Variants in GRIK4 observed in about 807,000 individuals in gnomAD.
The protein encoded by GRIK4 is glutamate receptor ionotropic, kainate 4.
In GRIK4, 40 loss-of-function variants were observed where a neutral mutation model predicts 104.9. That is an observed-to-expected ratio of 0.38 (90% CI 0.30 to 0.50). The LOEUF (loss-of-function observed/expected upper bound fraction) is 0.50, where lower values mean the gene tolerates loss of function less well. GRIK4 is among the 20% of genes least tolerant of loss of function. The pLI, the probability that GRIK4 is intolerant of heterozygous loss-of-function variation, is 0.93. For synonymous variants in GRIK4, 485 were observed against 524.9 expected, an observed-to-expected ratio of 0.92 and a Z score of 1.04; for missense variants, 1,047 against 1,308.1, an observed-to-expected ratio of 0.80 and a Z score of 3.08.
At chr11:120,563,979 T>C (rs1443910740) in intron 1 of GRIK4, among the ~76,000 whole-genome samples, 1 of 152,048 alleles carries the variant, frequency 6.6e-6, no homozygotes, top group Non-Finnish European at 1.5e-5. Flanking sequence ...CCGGTGTGTC[T>C]CATGAATTTA....
rs765658272 is a variant in GRIK4, at chr11:120,819,402, A to G, written c.346-353A>G. ...AAAATATTCTAAGGATTATGCTTTC[A>G]AGAGCCAACTGTCTCTCTGCCAGCA... On this transcript the variant is annotated intron_variant, in intron 5 of 20. Coordinates refer to ENST00000527524, the MANE Select transcript of GRIK4 (RefSeq NM_014619.5). This position sits in a 1 kb window ranked among gnomAD's most constrained non-coding sequence, Gnocchi z 4.3. Among the ~76,000 whole-genome samples the G allele has an allele frequency of 1.3e-5, 2 of 152,226 alleles. No homozygotes were observed. Among genetic ancestry groups the G allele is most frequent in the Non-Finnish European group, 2.9e-5 (2 of 68,048 alleles).
chr11:120,654,544 G>T (rs767072797), intron 2 of GRIK4, among the ~76,000 whole-genome samples: 3 of 152,016 alleles, frequency 2.0e-5, no homozygotes, highest in Non-Finnish European at 4.4e-5. Context: ...TGTATTTTTA[G>T]TAGTGACCGG....
chr11:120,737,762 G>A lies in GRIK4; in HGVS notation c.83-64931G>A, dbSNP rs1490912921. Among the ~76,000 whole-genome samples the A allele has an allele frequency of 2.6e-5, 4 of 152,202 alleles. No individual in the cohort carries two copies. In the East Asian group the frequency reaches 5.8e-4, roughly 22 times the overall value. On this transcript the variant is annotated intron_variant, in intron 3 of 20. Transcript: ENST00000527524. Reference sequence around the variant, plus strand: ...GGGAAGTTGTTACTTTTGGAGAGGAGGTAGAGGCTACGGTTGGGATGAGGA... The same window carrying A: ...GGGAAGTTGTTACTTTTGGAGAGGAAGTAGAGGCTACGGTTGGGATGAGGA...
intron 3 of GRIK4, among the ~76,000 whole-genome samples, chr11:120,757,037 G>T (rs1023166282): frequency 6.6e-6 from 1 of 152,200 alleles, no homozygotes; most frequent in Admixed American, 6.5e-5. Context: ...TTGATGGCCC[G>T]TGAGTGTCTT....
intron 3 of GRIK4, among the ~76,000 whole-genome samples, chr11:120,742,526 A>ATTT (rs138311151): frequency 4.4e-4 from 64 of 146,272 alleles, no homozygotes; most frequent in East Asian, 1.4e-3. Flanking sequence ...TATTATTATT[A>ATTT]TTTTTTTTTG....
At chr11:120,916,599 A>G (rs1332617362) in intron 13 of GRIK4, among the ~76,000 whole-genome samples, 2 of 152,200 alleles carry the variant, frequency 1.3e-5, no homozygotes, top group Non-Finnish European at 2.9e-5. Context: ...AATGTCTGAA[A>G]CTTGTTGAGC....
At chr11:120,601,957 C>T (rs1420295525) in intron 1 of GRIK4, among the ~76,000 whole-genome samples, 3 of 152,088 alleles carry the variant, frequency 2.0e-5, no homozygotes, top group South Asian at 2.1e-4. Context: ...CCTAGGCTAT[C>T]AGTGACCCCT....
intron 1 of GRIK4, chr11:120,576,711 T>C (rs1271055009): frequency 1.3e-5 from 2 of 152,394 alleles, no homozygotes; most frequent in African/African-American, 4.8e-5. Flanking sequence ...GGCAGTGCCC[T>C]CAGAGAGGGC....
chr11:120,925,038 G>C (rs896777301), intron 13 of GRIK4, among the ~76,000 whole-genome samples: 2 of 152,192 alleles, frequency 1.3e-5, no homozygotes, highest in African/African-American at 4.8e-5. Context: ...GGGAGGTGGG[G>C]CAGTTCAGGG....
intron 3 of GRIK4, among the ~76,000 whole-genome samples, chr11:120,697,593 C>T (rs769904386): frequency 9.2e-5 from 14 of 152,230 alleles, no homozygotes; most frequent in Non-Finnish European, 1.6e-4. Flanking sequence ...CCAGTCTGGG[C>T]GACAGAGTGA....
chr11:120,849,802 C>T (rs1388213165), intron 8 of GRIK4, among the ~76,000 whole-genome samples: 2 of 152,212 alleles, frequency 1.3e-5, no homozygotes, highest in Non-Finnish European at 2.9e-5. Context: ...TGTTGTGTGA[C>T]AAATTACCAC....
At chr11:120,915,492 A>C (rs909852012) in intron 13 of GRIK4, among the ~76,000 whole-genome samples, 14 of 151,484 alleles carry the variant, frequency 9.2e-5, no homozygotes, top group Non-Finnish European at 1.9e-4. Context: ...CCTCTCCTCC[A>C]TTCAGGAGTG....
At chr11:120,748,659 C>G (rs749453487) in intron 3 of GRIK4, among the ~76,000 whole-genome samples, 17 of 152,150 alleles carry the variant, frequency 1.1e-4, no homozygotes, top group African/African-American at 1.7e-4. Flanking sequence ...TGGCAAATGG[C>G]CTCCCCCTAT....
At chr11:120,972,312 G>A (rs1025533482) in intron 19 of GRIK4, among the ~76,000 whole-genome samples, 2 of 152,176 alleles carry the variant, frequency 1.3e-5, no homozygotes, top group East Asian at 3.9e-4. Context: ...AGCTCTTGGC[G>A]GCATTCATGG....
intron 3 of GRIK4, among the ~76,000 whole-genome samples, chr11:120,691,045 A>G (rs1176556066): frequency 6.6e-6 from 1 of 152,194 alleles, no homozygotes; most frequent in Non-Finnish European, 1.5e-5. Flanking sequence ...AGAACAAGAA[A>G]GCCAAAATTC....
intron 3 of GRIK4, among the ~76,000 whole-genome samples, chr11:120,671,457 T>G (rs777842265): frequency 3.3e-5 from 5 of 152,230 alleles, no homozygotes; most frequent in Non-Finnish European, 7.3e-5. Context: ...CTCATTTTGA[T>G]TTGGATTTCT....
intron 3 of GRIK4, among the ~76,000 whole-genome samples, chr11:120,698,082 G>A (rs764650136): frequency 1.3e-5 from 2 of 151,968 alleles, no homozygotes; most frequent in South Asian, 2.1e-4. Flanking sequence ...GTGGTGTGGC[G>A]TTTCTCCACT....
intron 13 of GRIK4, among the ~76,000 whole-genome samples, chr11:120,936,884 A>G (rs1266360700): frequency 6.7e-6 from 1 of 149,684 alleles, no homozygotes; most frequent in Non-Finnish European, 1.5e-5. Context: ...GCAGAGGAGC[A>G]GAAGGGCTTG....
chr11:120,717,954 T>G lies in GRIK4; in HGVS notation c.82+57554T>G, dbSNP rs184662588. 2.1e-3 allele frequency among the ~76,000 whole-genome samples: 313 copies of G among 152,292 alleles called. 2 individuals carry two copies. Among genetic ancestry groups the G allele is most frequent in the Non-Finnish European group, 3.4e-3 (234 of 68,010 alleles). ...GCCTGTACCTCCCTGCCCGCGTCTG[T>G]AAGCTGAGGCGGCTGTCTGTGGCAA... On this transcript the variant is annotated intron_variant, in intron 3 of 20. Coordinates refer to ENST00000527524, the MANE Select transcript of GRIK4 (RefSeq NM_014619.5).
Sources: gnomAD v4.1 joint callset for allele counts (sites outside exome capture counted in the v4.1 genomes callset) on GRCh38, gnomAD v4.1.1 for gene constraint, Gnocchi (gnomAD v3.1) non-coding constraint, MANE v1.5 for transcripts, NCBI Gene and HGNC (gene_info 2026-07-23, HGNC 2026-07-21) for gene names.